The following SLC7A1 variants were observed in gnomAD, a reference collection of about 807,000 sequenced individuals.
The protein encoded by SLC7A1 is solute carrier family 7 member 1.
A neutral mutation model predicts 53.9 loss-of-function variants in SLC7A1; 10 were observed. The observed-to-expected ratio is 0.19, with a 90% confidence interval of 0.11 to 0.31. The LOEUF is 0.31. SLC7A1 is among the 10% of genes least tolerant of loss of function. SLC7A1 has a pLI of 1.00. For synonymous variants in SLC7A1, 342 were observed against 338.7 expected (o/e 1.01, Z -0.11); for missense variants, 525 against 827.2 (o/e 0.63, Z 4.48).
chr13:29,580,061 G>A (rs902441595), intron 1 of SLC7A1, among the ~76,000 whole-genome samples: 1 of 152,154 alleles, frequency 6.6e-6, no homozygotes, highest in Non-Finnish European at 1.5e-5. Context: ...CTGACTTCCT[G>A]TTTAGGGCTG....
rs146029678 is a variant in SLC7A1 at position 29,562,710 on chromosome 13, C to T, written c.-114-8850G>A. Among the ~76,000 whole-genome samples the T allele has an allele frequency of 3.0e-3, 461 of 152,248 alleles. 2 individuals carry two copies. The highest frequency in any genetic ancestry group is 0.011 in the African/African-American group (448 of 41,544). On this transcript the variant is annotated intron_variant, in intron 1 of 12. Transcript: ENST00000380752. ...TCATGGTTCCACTGTTATTTGGAAC[C>T]TATACCAGTTCCTGTCCAATCCCTG...
In SLC7A1 at chr13:29,510,343, G is replaced by A. The variant is rs1883354154; in HGVS notation, c.*4137C>T. On this transcript the variant is annotated 3_prime_UTR_variant, in exon 13 of 13. Transcript: ENST00000380752. ...TTTTTGCCTTAAAAATACATTAGGA[G>A]TCATAAGCGTGATGACACATGGAGT... 6.6e-6 allele frequency: 1 copy of A among 152,600 alleles called. No homozygotes were observed. The allele number at this position is 152,600 out of a possible 1,614,324, so 9.5% of individuals were successfully genotyped here.
chr13:29,540,618 GA>G (rs1566261600), intron 2 of SLC7A1, among the ~76,000 whole-genome samples: 2 of 152,220 alleles, frequency 1.3e-5, no homozygotes. Flanking sequence ...GGGCCAGGAG[GA>G]GTCAAAAGCA....
Position 29,524,090 on chromosome 13 carries a change from G to C in SLC7A1, c.826+42C>G. The C allele has an allele frequency of 1.9e-6, 3 of 1,605,364 alleles. No homozygotes were observed. The South Asian group carries it at 3.3e-5, about 18-fold the overall frequency. On this transcript the variant is annotated intron_variant, in intron 6 of 12. Transcript: ENST00000380752. ...TGGCAAGCATTGGCTTGTTTGCCCA[G>C]GGTGCAGGAGGACCCGGGACCGCAG...
chr13:29,592,545 T>C (rs1170818257), intron 1 of SLC7A1, among the ~76,000 whole-genome samples: 1 of 152,124 alleles, frequency 6.6e-6, no homozygotes, highest in African/African-American at 2.4e-5. Context: ...GTAATTCCAT[T>C]TGGAAATGTA....
Position 29,524,197 on chromosome 13 carries a change from C to G in SLC7A1, c.761G>C (p.Gly254Ala), listed in dbSNP as rs778165390. 2 of 1,614,168 alleles carry G rather than the reference C, an allele frequency of 1.2e-6. No homozygotes were observed. Among genetic ancestry groups the G allele is most frequent in the East Asian group, 2.2e-5 (1 of 44,880 alleles). ...VGGFMPFGFS[G>A]VLSGAATCFY... The stretch of plus-strand genomic sequence containing the variant: ...GCAAGTCGCTGCCCCCGACAGGACA[C>G]CAGAGAACCCGAAGGGCATGAATCC... Residue 254 changes from glycine to alanine, a missense_variant, in exon 6 of 13, where the codon GGT becomes GCT. By Grantham distance (60) the Gly-to-Ala change is moderately conservative (BLOSUM62 0). Transcript: ENST00000380752.
chr13:29,587,188 G>A (rs1025321787), intron 1 of SLC7A1, among the ~76,000 whole-genome samples: 4 of 152,198 alleles, frequency 2.6e-5, no homozygotes, highest in African/African-American at 9.7e-5. Flanking sequence ...AAATGATGGG[G>A]AGCTGAGGAC....
At chr13:29,581,145 A>T (rs1005393914) in intron 1 of SLC7A1, among the ~76,000 whole-genome samples, 2 of 152,222 alleles carry the variant, frequency 1.3e-5, no homozygotes, top group African/African-American at 4.8e-5. Flanking sequence ...AGAGAAAAAT[A>T]AAAATCACAT....
At chr13:29,587,891 T>C (rs1871953919) in intron 1 of SLC7A1, among the ~76,000 whole-genome samples, 1 of 152,176 alleles carries the variant, frequency 6.6e-6, no homozygotes, top group African/African-American at 2.4e-5. Context: ...GGTGGAGGGA[T>C]CACGAGTCTG....
intron 1 of SLC7A1, among the ~76,000 whole-genome samples, chr13:29,555,049 A>G (rs1870368312): frequency 6.6e-6 from 1 of 152,190 alleles, no homozygotes; most frequent in African/African-American, 2.4e-5. Context: ...ACATATGTCA[A>G]TAAGTAACTG....
chr13:29,515,846 C>A (rs1031023659), intron 12 of SLC7A1, among the ~76,000 whole-genome samples: 1 of 152,268 alleles, frequency 6.6e-6, no homozygotes, highest in Non-Finnish European at 1.5e-5. Context: ...AGGCACAGGC[C>A]AGACTTTCCT....
chr13:29,560,617 C>T (rs371906122), intron 1 of SLC7A1, among the ~76,000 whole-genome samples: 1 of 151,984 alleles, frequency 6.6e-6, no homozygotes. Context: ...TTTTAGATGG[C>T]TGGCAATGCA....
Position 29,595,490 on chromosome 13 carries a change from G to A in SLC7A1, c.-189C>T, listed in dbSNP as rs749194442. 4.6e-4 allele frequency: 66 copies of A among 143,670 alleles called. No individual in the cohort carries two copies. Among genetic ancestry groups the A allele is most frequent in the Non-Finnish European group, 8.7e-4 (57 of 65,676 alleles). 8.9% of individuals were successfully genotyped at this position (143,670 alleles called of 1,614,324 possible). A position where few individuals can be genotyped will look rare whatever the true frequency, so the allele number is the denominator to read the frequency against. On this transcript the variant is annotated 5_prime_UTR_variant, in exon 1 of 13. Coordinates refer to ENST00000380752, the MANE Select transcript of SLC7A1 (RefSeq NM_003045.5). Reference sequence around the variant, plus strand: ...CGGACGCGCTCAAGGACCAACGGACGCTCGGCCGGCGAGACCGGGCGGGGC... The same window carrying A: ...CGGACGCGCTCAAGGACCAACGGACACTCGGCCGGCGAGACCGGGCGGGGC...
chr13:29,569,187 T>A (rs918088203), intron 1 of SLC7A1, among the ~76,000 whole-genome samples: 3 of 152,076 alleles, frequency 2.0e-5, no homozygotes, highest in African/African-American at 7.2e-5. Context: ...CCTGTATGCA[T>A]CCCGAGCTCT....
Position 29,523,504 on chromosome 13 carries a change from G to A in SLC7A1, c.827-16C>T, listed in dbSNP as rs374160505. 2.5e-5 allele frequency: 39 copies of A among 1,586,596 alleles called. No individual in the cohort carries two copies. The highest frequency in any genetic ancestry group is 3.3e-5 in the Non-Finnish European group (38 of 1,155,834). ...ACCTCTTCACCTAGAAGCACAAGGG[G>A]TCAGCGGAGGAGGGCACACAGCAAG... On this transcript the variant is annotated splice_polypyrimidine_tract_variant and intron_variant, in intron 6 of 12. Transcript: ENST00000380752.
chr13:29,514,843 G>A (rs1165444888), intron 12 of SLC7A1, among the ~76,000 whole-genome samples: 1 of 152,254 alleles, frequency 6.6e-6, no homozygotes, highest in Admixed American at 6.5e-5. Context: ...TGAGCAGACA[G>A]AGCAGCTGGG....
intron 1 of SLC7A1, among the ~76,000 whole-genome samples, chr13:29,555,673 G>A (rs1212415644): frequency 6.6e-6 from 1 of 150,844 alleles, no homozygotes; most frequent in East Asian, 1.9e-4. Context: ...AAAAAAAAGG[G>A]GGGGCGGGCA....
intron 2 of SLC7A1, among the ~76,000 whole-genome samples, chr13:29,538,575 C>T (rs1451334513): frequency 6.6e-6 from 1 of 152,170 alleles, no homozygotes; most frequent in Non-Finnish European, 1.5e-5. Context: ...GAGCAGGAAC[C>T]AAGGACCTAG....
intron 1 of SLC7A1, among the ~76,000 whole-genome samples, chr13:29,585,195 A>C (rs1871829518): frequency 6.6e-6 from 1 of 152,182 alleles, no homozygotes. Context: ...GAAACTCCTA[A>C]ATCACCACAA....
Sources: allele counts gnomAD v4.1 joint callset (sites outside exome capture counted in the v4.1 genomes callset), GRCh38; gene constraint gnomAD v4.1.1; transcripts MANE v1.5; gene names NCBI Gene and HGNC (gene_info 2026-07-23, HGNC 2026-07-21).